Variants in TUT4 observed in about 807,000 individuals in gnomAD.
The protein encoded by TUT4 is terminal uridylyltransferase 4.
In TUT4, 36 loss-of-function variants were observed where a neutral mutation model predicts 192.2. The observed-to-expected ratio is 0.19, with a 90% CI of 0.14 to 0.25. The LOEUF (loss-of-function observed/expected upper bound fraction) is 0.25. Ranked by LOEUF, TUT4 falls within the 10% of genes least tolerant of loss-of-function variation. The probability of loss-of-function intolerance (pLI) is 1.00; values close to 1 mark genes in which losing one functional copy is unlikely to be tolerated. For synonymous variants in TUT4, 618 were observed against 666.0 expected, an observed-to-expected ratio of 0.93 and a Z score of 1.11; for missense variants, 1,493 against 1,957.2, an observed-to-expected ratio of 0.76 and a Z score of 4.47.
intron 1 of TUT4, among the ~76,000 whole-genome samples, chr1:52,532,621 T>A (rs773173596): frequency 6.6e-6 from 1 of 152,174 alleles, no homozygotes; most frequent in Non-Finnish European, 1.5e-5. Flanking sequence ...TTACCTATTA[T>A]CTGCTAACTT....
intron 24 of TUT4, among the ~76,000 whole-genome samples, chr1:52,440,241 T>C (rs1050808349): frequency 1.3e-5 from 2 of 152,098 alleles, no homozygotes; most frequent in African/African-American, 2.4e-5. Flanking sequence ...AACCACTGAA[T>C]TGCACAGTGA....
intron 24 of TUT4, among the ~76,000 whole-genome samples, chr1:52,442,652 C>G (rs961949052): frequency 2.6e-5 from 4 of 152,186 alleles, no homozygotes; most frequent in African/African-American, 9.6e-5. Context: ...CAGTAAATTT[C>G]AGGCTTCAGA....
intron 5 of TUT4, 69 bp from the exon 6 acceptor site, chr1:52,495,584 C>A (rs114498228): frequency 2.7e-5 from 33 of 1,217,434 alleles, no homozygotes; most frequent in Non-Finnish European, 3.8e-5. Context: ...AAAACAGCGA[C>A]GGGAAAATTT....
Position 52,481,373 on chromosome 1 carries a change from C to T in TUT4, c.1848+50G>A, listed in dbSNP as rs2274145. 1.7e-3 allele frequency: 2,672 copies of T among 1,574,218 alleles called. 30 individuals are homozygous for T. The East Asian group carries it at 0.032, about 19-fold the overall frequency. On this transcript the variant is annotated intron_variant, in intron 11 of 29. Transcript: ENST00000257177. Reference sequence around the variant, plus strand: ...TAAAATAGCTTCAATCGAAGAATATCACAAATTCTACAGATAGAAAAGCCA... The same window carrying T: ...TAAAATAGCTTCAATCGAAGAATATTACAAATTCTACAGATAGAAAAGCCA...
chr1:52,527,365 G>GTGAAACCCTGTCTCTAC (rs1459592278), intron 1 of TUT4, among the ~76,000 whole-genome samples: 23 of 152,148 alleles, frequency 1.5e-4, no homozygotes. Flanking sequence ...GACCAACATA[G>GTGAAACCCTGTCTCTAC]TGAAACCCTG....
chr1:52,547,567 G>A (rs146434336), intron 1 of TUT4, among the ~76,000 whole-genome samples: 113 of 152,228 alleles, frequency 7.4e-4, no homozygotes, highest in Middle Eastern at 3.4e-3. Context: ...ACACAAAAAC[G>A]TTTAACTATG....
At chr1:52,426,005 C>T (rs942658612) in intron 28 of TUT4, among the ~76,000 whole-genome samples, 1 of 152,120 alleles carries the variant, frequency 6.6e-6, no homozygotes, top group African/African-American at 2.4e-5. Flanking sequence ...AGAGAAAAGG[C>T]GGGACAGGTA....
chr1:52,519,045 C>T (rs1402269749), intron 2 of TUT4, among the ~76,000 whole-genome samples: 18 of 152,102 alleles, frequency 1.2e-4, no homozygotes, highest in African/African-American at 4.3e-4. Context: ...AAAATGAAAA[C>T]ATACATCCAC....
At chr1:52,464,908 TA>T in intron 16 of TUT4, 161 bp downstream of exon 16, 1 of 491,672 alleles carries the variant, frequency 2.0e-6, no homozygotes, top group Non-Finnish European at 3.5e-6. Flanking sequence ...CAATGTCTTC[TA>T]AACTGAAAAT....
chr1:52,470,838 A>G (rs530936868), intron 14 of TUT4, among the ~76,000 whole-genome samples: 1 of 152,192 alleles, frequency 6.6e-6, no homozygotes, highest in Admixed American at 6.6e-5. Flanking sequence ...GTAATTCATA[A>G]ATGTTTGCTG....
At position 52,526,226 on chromosome 1, in the gene TUT4, T is replaced by C. The variant is rs760218192; in HGVS notation, c.55A>G (p.Ile19Val). Residue 19 changes from isoleucine (I) to valine (V), a missense_variant, in exon 2 of 30, where the codon ATT (isoleucine) becomes GTT (valine). By Grantham distance (29) the Ile-to-Val change is conservative (BLOSUM62 3). Coordinates refer to ENST00000257177, the MANE Select transcript of TUT4 (RefSeq NM_001009881.3). Reference protein sequence around the residue: ...SENHEPKKNVICEESKAVQVI... With the variant: ...SENHEPKKNVVCEESKAVQVI... ...TGAACTGCTTTGCTTTCTTCACAAA[T>C]AACATTCTTCTTTGGTTCATGATTT... The C allele has an allele frequency of 4.4e-6, 7 of 1,595,742 alleles. No homozygotes were observed. The Admixed American group carries it at 5.4e-5, about 12-fold the overall frequency.
intron 2 of TUT4, among the ~76,000 whole-genome samples, chr1:52,518,143 T>C (rs965048966): frequency 1.3e-5 from 2 of 152,202 alleles, no homozygotes; most frequent in African/African-American, 2.4e-5. Flanking sequence ...TACTTGTACA[T>C]GAATGTTCAT....
intron 1 of TUT4, among the ~76,000 whole-genome samples, chr1:52,533,793 G>A (rs980365108): frequency 1.3e-5 from 2 of 151,984 alleles, no homozygotes; most frequent in South Asian, 2.1e-4. Context: ...GCGAAATCTC[G>A]TCTCTATTAA....
At chr1:52,456,081 C>A (rs1476329158) in intron 20 of TUT4, among the ~76,000 whole-genome samples, 2 of 152,156 alleles carry the variant, frequency 1.3e-5, no homozygotes, top group East Asian at 3.9e-4. Flanking sequence ...TGTGGTACAT[C>A]CCAACAATGG....
intron 4 of TUT4, among the ~76,000 whole-genome samples, chr1:52,499,379 C>T (rs759217698): frequency 1.3e-5 from 2 of 152,088 alleles, no homozygotes; most frequent in Non-Finnish European, 2.9e-5. Flanking sequence ...GCCTGGACAA[C>T]AGAGCAAGAC....
At chr1:52,436,307 G>A (rs192064155) in intron 26 of TUT4, among the ~76,000 whole-genome samples, 15 of 152,224 alleles carry the variant, frequency 9.9e-5, no homozygotes, top group African/African-American at 3.6e-4. Context: ...CCAACACAGT[G>A]AAACCATGTC....
chr1:52,503,085 A>G (rs1013756147), intron 4 of TUT4, among the ~76,000 whole-genome samples: 8 of 152,228 alleles, frequency 5.3e-5, no homozygotes, highest in African/African-American at 1.9e-4. Flanking sequence ...CATTTTATAC[A>G]TAAGAATACT....
chr1:52,465,169 C>T lies in TUT4; in HGVS notation c.2970G>A (p.Lys990=). ...AAGAGCCAAATAAGCACAACCTTGC[C>T]TTTTCTAAGCAAAGGAAAACAAAGT... ...EKFIQKEYDE[K]ARLCLFGSSK... is the part of the protein sequence containing the mutation. The change falls in exon 16 of 30, where the codon AAG becomes AAA. Residue 990 remains lysine, a synonymous_variant. Coordinates refer to ENST00000257177, the MANE Select transcript of TUT4 (RefSeq NM_001009881.3). 1.2e-6 allele frequency: 2 copies of T among 1,612,390 alleles called. No homozygotes were observed. The highest frequency in any genetic ancestry group is 1.7e-6 in the Non-Finnish European group (2 of 1,179,410).
Position 52,461,432 on chromosome 1 carries a change from T to C in TUT4, c.3231+81A>G. The C allele has an allele frequency of 2.2e-6, 3 of 1,383,374 alleles. No individual in the cohort carries two copies. In the South Asian group the frequency reaches 3.9e-5, roughly 18 times the overall value. 85.7% of individuals were successfully genotyped at this position (1,383,374 alleles called of 1,614,324 possible). Reference sequence around the variant, plus strand: ...ACTTTTTCCTTATACTGTTCACATTTGAAAGTTTTAAACATAGAGTCAGTA... The same window carrying C: ...ACTTTTTCCTTATACTGTTCACATTCGAAAGTTTTAAACATAGAGTCAGTA... On this transcript the variant is annotated intron_variant, in intron 18 of 29. Transcript: ENST00000257177.
Sources: gnomAD v4.1 joint callset for allele counts (sites outside exome capture counted in the v4.1 genomes callset) on GRCh38, gnomAD v4.1.1 for gene constraint, MANE v1.5 for transcripts, NCBI Gene and HGNC (gene_info 2026-07-23, HGNC 2026-07-21) for gene names.